Variants in CFAP20DC observed in about 807,000 individuals in gnomAD.
The protein encoded by CFAP20DC is CFAP20 domain containing.
Under a neutral mutation model 101.7 loss-of-function variants are expected in CFAP20DC, and 84 were observed. The observed-to-expected ratio is 0.83, with a 90% CI of 0.69 to 0.99. The LOEUF is 0.99. Ranked by LOEUF, CFAP20DC falls within the 50% of genes least tolerant of loss-of-function variation. The probability of loss-of-function intolerance (pLI) is 0.00; values close to 1 mark genes in which losing one functional copy is unlikely to be tolerated. For synonymous variants in CFAP20DC, 359 were observed against 351.2 expected, an observed-to-expected ratio of 1.02 and a Z score of -0.25; for missense variants, 1,007 against 970.3, an observed-to-expected ratio of 1.04 and a Z score of -0.50.
chr3:59,011,135 C>A (rs1014286397), intron 4 of CFAP20DC, among the ~76,000 whole-genome samples: 1 of 152,126 alleles, frequency 6.6e-6, no homozygotes, highest in East Asian at 1.9e-4. Flanking sequence ...TGGTGGCTCA[C>A]GCCTGTAATC....
intron 3 of CFAP20DC, among the ~76,000 whole-genome samples, chr3:58,720,360 G>A (rs1202864894): frequency 6.6e-6 from 1 of 152,226 alleles, no homozygotes. Flanking sequence ...ACCATAGAGA[G>A]TTGTCAAGAT....
intron 15 of CFAP20DC, among the ~76,000 whole-genome samples, chr3:58,780,077 T>TA (rs897878884): frequency 5.9e-5 from 9 of 152,034 alleles, no homozygotes; most frequent in East Asian, 3.8e-4. Flanking sequence ...TTGAAAGATT[T>TA]AAAAAAACTG....
intron 14 of CFAP20DC, among the ~76,000 whole-genome samples, chr3:58,819,209 C>A (rs2075426004): frequency 6.6e-6 from 1 of 150,752 alleles, no homozygotes. Flanking sequence ...AAAATTGACA[C>A]CCTAACATCA....
intron 4 of CFAP20DC, among the ~76,000 whole-genome samples, chr3:58,940,879 A>T (rs1163840239): frequency 2.6e-5 from 4 of 152,200 alleles, no homozygotes; most frequent in African/African-American, 9.7e-5. Context: ...GATACTGATC[A>T]TGTCTACTCA....
intron 4 of CFAP20DC, among the ~76,000 whole-genome samples, chr3:58,949,695 AG>A (rs2089852654): frequency 6.6e-6 from 1 of 152,208 alleles, no homozygotes; most frequent in Non-Finnish European, 1.5e-5. Context: ...GATGCAGAAA[AG>A]GCCTTTGACA....
At position 58,722,473 on chromosome 3, in the gene CFAP20DC, T is replaced by A. The variant is rs947258005; in HGVS notation, c.198-4845A>T. Among the ~76,000 whole-genome samples the A allele has an allele frequency of 6.6e-6, 1 of 152,186 alleles. No homozygotes were observed. The highest frequency in any genetic ancestry group is 1.5e-5 in the Non-Finnish European group (1 of 68,042). On this transcript the variant is annotated intron_variant, in intron 3 of 3. Coordinates refer to the CFAP20DC transcript ENST00000486145. The surrounding 1 kb of genome is among the most constrained non-coding windows in gnomAD (Gnocchi z 4.5). ...GTGGCAACTGAGTCGGTTACAATCATCTGAACTATCATCAGATTGGAACTC... is the reference window on the plus strand; with the variant it reads ...GTGGCAACTGAGTCGGTTACAATCAACTGAACTATCATCAGATTGGAACTC...
At chr3:58,852,427 C>G (rs1055050218) in intron 12 of CFAP20DC, among the ~76,000 whole-genome samples, 12 of 151,706 alleles carry the variant, frequency 7.9e-5, no homozygotes, top group Non-Finnish European at 1.6e-4. Context: ...TTAGACAGAT[C>G]AACGAGACAG....
intron 4 of CFAP20DC, among the ~76,000 whole-genome samples, chr3:58,956,022 C>G (rs997389569): frequency 2.0e-5 from 3 of 151,196 alleles, no homozygotes; most frequent in African/African-American, 7.3e-5. Flanking sequence ...TCCTTTGGCA[C>G]TGAATAACCA....
chr3:58,829,354 T>G (rs543167938), intron 14 of CFAP20DC, among the ~76,000 whole-genome samples: 1 of 150,938 alleles, frequency 6.6e-6, no homozygotes, highest in East Asian at 1.9e-4. Context: ...ATTATTGTGA[T>G]GAATAAAGTT....
rs141076759 is a variant in CFAP20DC, at chr3:58,916,155, T to G, written c.394-2291A>C. ...TTGTTTTTTAATATTATCTGCTTTA[T>G]TTTCTTTGACTCTAAGTCTTCCCAT... On this transcript the variant is annotated intron_variant, in intron 5 of 16. Coordinates refer to ENST00000482387, the MANE Select transcript of CFAP20DC (RefSeq NM_001394063.1). 3.5e-3 allele frequency among the ~76,000 whole-genome samples: 539 copies of G among 152,282 alleles called. 4 individuals are homozygous for G. Among genetic ancestry groups the G allele is most frequent in the African/African-American group, 0.013 (522 of 41,576 alleles).
At chr3:58,865,504 C>A (rs1293975018) in intron 11 of CFAP20DC, among the ~76,000 whole-genome samples, 1 of 152,148 alleles carries the variant, frequency 6.6e-6, no homozygotes, top group East Asian at 1.9e-4. Context: ...GAGTCTAGTT[C>A]TTCTGACCAC....
intron 4 of CFAP20DC, among the ~76,000 whole-genome samples, chr3:58,969,936 T>C (rs1255811141): frequency 6.6e-6 from 1 of 152,092 alleles, no homozygotes; most frequent in Non-Finnish European, 1.5e-5. Flanking sequence ...AAAAATTACA[T>C]AGTGGTGGTG....
intron 12 of CFAP20DC, among the ~76,000 whole-genome samples, chr3:58,853,621 A>G (rs1273877436): frequency 6.6e-6 from 1 of 152,026 alleles, no homozygotes; most frequent in Non-Finnish European, 1.5e-5. Flanking sequence ...CAGCACATCA[A>G]AATGCTTATC....
intron 4 of CFAP20DC, among the ~76,000 whole-genome samples, chr3:59,021,219 T>C (rs928333340): frequency 6.6e-6 from 1 of 152,106 alleles, no homozygotes; most frequent in African/African-American, 2.4e-5. Flanking sequence ...ACAGTGCATC[T>C]AAATTAAGAC....
intron 5 of CFAP20DC, among the ~76,000 whole-genome samples, chr3:58,925,188 T>A (rs971625342): frequency 6.6e-6 from 1 of 152,178 alleles, no homozygotes; most frequent in African/African-American, 2.4e-5. Flanking sequence ...AAATTTTGTT[T>A]TTATCCTATG....
At chr3:58,918,770 T>C (rs2085015004) in intron 5 of CFAP20DC, among the ~76,000 whole-genome samples, 1 of 152,160 alleles carries the variant, frequency 6.6e-6, no homozygotes, top group African/African-American at 2.4e-5. Flanking sequence ...GCCTCACCAC[T>C]TACTAGTTAC....
At chr3:58,783,836 G>A (rs1479299023) in intron 15 of CFAP20DC, among the ~76,000 whole-genome samples, 1 of 151,918 alleles carries the variant, frequency 6.6e-6, no homozygotes, top group Admixed American at 6.6e-5. Flanking sequence ...AGGATGTGGA[G>A]AAAGGGTATT....
chr3:58,990,908 G>A (rs1294264146), intron 4 of CFAP20DC, among the ~76,000 whole-genome samples: 2 of 151,960 alleles, frequency 1.3e-5, no homozygotes, highest in African/African-American at 4.8e-5. Flanking sequence ...CACTCACTTT[G>A]TTATTTTTTT....
At chr3:59,013,251 G>A (rs1245521034) in intron 4 of CFAP20DC, among the ~76,000 whole-genome samples, 130 of 152,220 alleles carry the variant, frequency 8.5e-4, no homozygotes, top group Non-Finnish European at 1.6e-4. Flanking sequence ...CCAAAATTCT[G>A]TTCAAGAAAG....
Sources: gnomAD v4.1 joint callset for allele counts (sites outside exome capture counted in the v4.1 genomes callset) on GRCh38, gnomAD v4.1.1 for gene constraint, Gnocchi (gnomAD v3.1) non-coding constraint, MANE v1.5 for transcripts, NCBI Gene and HGNC (gene_info 2026-07-23, HGNC 2026-07-21) for gene names.